DCX: variants seen among roughly 807,000 people sequenced by gnomAD.
DCX encodes the protein neuronal migration protein doublecortin.
DCX carries 4 observed loss-of-function variants against 20.9 expected under a neutral mutation model. That is an observed-to-expected ratio of 0.19 (90% CI 0.09 to 0.44). DCX has a LOEUF of 0.44. Ranked by LOEUF, DCX falls within the 20% of genes least tolerant of loss-of-function variation. The probability of loss-of-function intolerance (pLI) is 0.99; values close to 1 mark genes in which losing one functional copy is unlikely to be tolerated. For missense variants in DCX, 133 were observed against 296.9 expected, an observed-to-expected ratio of 0.45 and a Z score of 4.06; for synonymous variants, 103 against 111.4, an observed-to-expected ratio of 0.92 and a Z score of 0.47.
intron 3 of DCX, among the ~76,000 whole-genome samples, chrX:111,389,546 C>T (rs1926775901): frequency 9.0e-6 from 1 of 111,359 alleles, no homozygotes; most frequent in African/African-American, 3.3e-5. Flanking sequence ...CAAAGTACCC[C>T]AACTTCAATG....
At chrX:111,354,897 C>T (rs1923603085) in intron 3 of DCX, among the ~76,000 whole-genome samples, 1 of 112,421 alleles carries the variant, frequency 8.9e-6, no homozygotes, top group Non-Finnish European at 1.9e-5. Context: ...GTAGGATTCA[C>T]GCCAGAGGGA....
intron 3 of DCX, among the ~76,000 whole-genome samples, chrX:111,348,414 G>A (rs373215467): frequency 8.9e-6 from 1 of 111,823 alleles, no homozygotes; most frequent in Admixed American, 9.5e-5. Flanking sequence ...GCAGCCCCTC[G>A]ATGCTCAAGG....
rs755003498 is a variant in DCX at position 111,336,393 on chromosome X, C to T, written c.706-3240G>A. ...GTGGCTGGCTTCAAACACAATCATG[C>T]TACAATCCAGCTGTTCAGCATCAGA... On this transcript the variant is annotated intron_variant, in intron 3 of 6. Transcript: ENST00000636035. Among the ~76,000 whole-genome samples, 5 of 112,540 alleles carry T rather than the reference C, an allele frequency of 4.4e-5. No individual in the cohort carries two copies. In the South Asian group the frequency reaches 1.1e-3, roughly 25 times the overall value.
At chrX:111,347,653 C>A (rs979757652) in intron 3 of DCX, among the ~76,000 whole-genome samples, 2 of 111,598 alleles carry the variant, frequency 1.8e-5, no homozygotes, top group Non-Finnish European at 3.8e-5. Flanking sequence ...GACTGACGCC[C>A]GTCTGATCCT....
chrX:111,325,589 G>C (rs1227663237), intron 5 of DCX, among the ~76,000 whole-genome samples: 2 of 112,332 alleles, frequency 1.8e-5, no homozygotes, highest in Non-Finnish European at 3.8e-5. Flanking sequence ...TTGTTATCAT[G>C]AATCTCTCTT....
intron 5 of DCX, among the ~76,000 whole-genome samples, chrX:111,318,340 A>G (rs2095078485): frequency 9.5e-6 from 1 of 105,268 alleles, no homozygotes; most frequent in South Asian, 4.1e-4. Context: ...GAATTACCTC[A>G]GTGTACCCTA....
At chrX:111,368,901 T>TACACAC (rs200777698) in intron 3 of DCX, among the ~76,000 whole-genome samples, 1,589 of 98,239 alleles carry the variant, frequency 0.016, 13 homozygotes, top group Middle Eastern at 0.041. Context: ...TATATATACA[T>TACACAC]ACACACACAC....
At chrX:111,359,577 ATAAAT>A (rs1174870490) in intron 3 of DCX, among the ~76,000 whole-genome samples, 1 of 112,244 alleles carries the variant, frequency 8.9e-6, no homozygotes, top group Admixed American at 9.4e-5. Flanking sequence ...GATGTGGTAA[ATAAAT>A]TAAAAACACA....
intron 3 of DCX, among the ~76,000 whole-genome samples, chrX:111,353,911 C>A (rs941165463): frequency 8.9e-6 from 1 of 111,820 alleles, no homozygotes. Context: ...GACTTTTGGA[C>A]CTTGTTTATA....
At chrX:111,321,878 A>G (rs748561091) in intron 5 of DCX, among the ~76,000 whole-genome samples, 124 of 112,018 alleles carry the variant, frequency 1.1e-3, no homozygotes, top group Non-Finnish European at 1.9e-3. Flanking sequence ...ACAGAAAATA[A>G]AGGGACAGCT....
intron 5 of DCX, among the ~76,000 whole-genome samples, chrX:111,329,456 T>G: frequency 9.0e-6 from 1 of 111,701 alleles, no homozygotes; most frequent in Non-Finnish European, 1.9e-5. Context: ...TTTGAGGGGC[T>G]CAGCATTTAA....
At chrX:111,369,864 T>C (rs868793409) in intron 3 of DCX, among the ~76,000 whole-genome samples, 1 of 111,807 alleles carries the variant, frequency 8.9e-6, no homozygotes, top group Non-Finnish European at 1.9e-5. Flanking sequence ...GAGTCCTGCC[T>C]CAGTAGATAA....
chrX:111,305,361 T>G (rs1185504409), intron 6 of DCX, among the ~76,000 whole-genome samples: 1 of 112,353 alleles, frequency 8.9e-6, no homozygotes, highest in Non-Finnish European at 1.9e-5. Flanking sequence ...AACATAATGT[T>G]ATGGGATACA....
chrX:111,358,999 G>A (rs1034981990), intron 3 of DCX, among the ~76,000 whole-genome samples: 1 of 111,118 alleles, frequency 9.0e-6, no homozygotes, highest in African/African-American at 3.3e-5. Flanking sequence ...CTTAAACTTG[G>A]ATATAAAATT....
chrX:111,302,411 T>C (rs2095036136), intron 6 of DCX, among the ~76,000 whole-genome samples: 2 of 112,139 alleles, frequency 1.8e-5, no homozygotes, highest in African/African-American at 6.5e-5. Flanking sequence ...TAAACGCTCC[T>C]GTACTGTACA....
intron 3 of DCX, among the ~76,000 whole-genome samples, chrX:111,343,712 C>T (rs757516247): frequency 1.8e-5 from 2 of 111,851 alleles, no homozygotes; most frequent in East Asian, 5.7e-4. Context: ...CTGGGTGCGG[C>T]AGCTCACTCT....
rs1159851139 is a variant in DCX at position 111,401,006 on chromosome X, G to C, written c.689C>G (p.Thr230Ser). The stretch of plus-strand genomic sequence containing the variant: ...AGTACCTACCTGTTTTCCATCCAGA[G>C]TGTAGAGTTTTTTGACAACCCCGGT... ...LETGVVKKLYTLDGKQVTCLH... is the reference protein window; with the variant it reads ...LETGVVKKLYSLDGKQVTCLH... The change falls in exon 3 of 7, where the codon ACT (threonine) becomes AGT (serine). Residue 230 changes from threonine to serine, a missense_variant. This residue lies in a region of DCX where 65 missense variants were observed against 212.6 expected (regional missense o/e 0.31). Transcript: ENST00000636035. 2 of 1,211,074 alleles carry C rather than the reference G, an allele frequency of 1.7e-6. No homozygotes were observed. Among genetic ancestry groups the C allele is most frequent in the Non-Finnish European group, 1.1e-6 (1 of 894,803 alleles).
chrX:111,363,788 A>G (rs1924399226), intron 3 of DCX, among the ~76,000 whole-genome samples: 1 of 111,728 alleles, frequency 9.0e-6, no homozygotes, highest in Non-Finnish European at 1.9e-5. Flanking sequence ...ACCTATTTGC[A>G]GTGGTCACAA....
rs187017091 is a variant in DCX, at chrX:111,400,261, C to T, written c.705+729G>A. The stretch of plus-strand genomic sequence containing the variant: ...GAATGGTGCATCTGTCTGATGGAGA[C>T]GCCTGGCTGCATTCTTTCCCAGATA... On this transcript the variant is annotated intron_variant, in intron 3 of 6. Coordinates refer to ENST00000636035, the MANE Select transcript of DCX (RefSeq NM_001195553.2). Among the ~76,000 whole-genome samples the T allele has an allele frequency of 1.3e-3, 148 of 111,339 alleles. 2 individuals carry two copies. The highest frequency in any genetic ancestry group is 5.7e-4 in the Non-Finnish European group (30 of 53,079).
Sources: allele counts gnomAD v4.1 joint callset (sites outside exome capture counted in the v4.1 genomes callset), GRCh38; gene constraint gnomAD v4.1.1; regional missense constraint gnomAD v4.1.1; transcripts MANE v1.5; gene names NCBI Gene and HGNC (gene_info 2026-07-23, HGNC 2026-07-21).